SSH1: variants seen among roughly 807,000 people sequenced by gnomAD.
SSH1 encodes the protein protein phosphatase Slingshot homolog 1.
In SSH1, 43 loss-of-function variants were observed where a neutral mutation model predicts 79.7. That is an observed-to-expected ratio of 0.54 (90% CI 0.42 to 0.70). The LOEUF (loss-of-function observed/expected upper bound fraction) is 0.70. SSH1 is among the 30% of genes least tolerant of loss of function. SSH1 has a pLI of 0.00. For synonymous variants in SSH1, 599 were observed against 538.3 expected (o/e 1.11, Z -1.56); for missense variants, 1,206 against 1,358.8 (o/e 0.89, Z 1.77).
intron 10 of SSH1, among the ~76,000 whole-genome samples, chr12:108,803,082 A>C (rs895927896): frequency 1.3e-5 from 2 of 152,308 alleles, no homozygotes; most frequent in East Asian, 3.9e-4. Context: ...AGGATACAGG[A>C]CTATATAAAC....
chr12:108,831,658 G>C (rs2038477486), intron 2 of SSH1, among the ~76,000 whole-genome samples: 1 of 152,192 alleles, frequency 6.6e-6, no homozygotes, highest in African/African-American at 2.4e-5. Context: ...GCGAGGCCCT[G>C]AAGGATCAGT....
chr12:108,818,357 T>G (rs750943861), intron 3 of SSH1, 44 bp from the exon 4 acceptor site: 3 of 1,578,014 alleles, frequency 1.9e-6, no homozygotes, highest in Non-Finnish European at 2.6e-6. Context: ...TCTTACCTAC[T>G]CTCTAGGAAA....
intron 1 of SSH1, among the ~76,000 whole-genome samples, chr12:108,854,429 TCACA>T (rs1460336014): frequency 6.6e-6 from 1 of 152,194 alleles, no homozygotes. Flanking sequence ...CTCTGCCTGT[TCACA>T]CAAAGGAACT....
In SSH1 at chr12:108,799,006, T is replaced by C. The variant is rs2036870100; in HGVS notation, c.1343A>G (p.Asp448Gly). ...RQLSEYEGILDASKQRHNKLW... is the reference protein window; with the variant it reads ...RQLSEYEGILGASKQRHNKLW... ...TCTCCAGGCAGGCACCCACCTTGCATCCAAGATGCCTTCATACTCAGACAG... is the reference window on the plus strand; with the variant it reads ...TCTCCAGGCAGGCACCCACCTTGCACCCAAGATGCCTTCATACTCAGACAG... The change falls in exon 13 of 15, where the codon GAT (aspartate) becomes GGT (glycine). Residue 448 changes from aspartate to glycine, a missense_variant. Physicochemically the swap from Asp to Gly is moderately conservative, Grantham distance 94 (BLOSUM62 -1). Around this residue, in one of 5 missense-constraint regions of SSH1, gnomAD observed 166 missense variants for 262.9 expected, o/e 0.63. Coordinates refer to ENST00000326495, the MANE Select transcript of SSH1 (RefSeq NM_018984.4). The C allele has an allele frequency of 7.4e-6, 12 of 1,613,016 alleles. No homozygotes were observed. Among genetic ancestry groups the C allele is most frequent in the Non-Finnish European group, 1.0e-5 (12 of 1,180,034 alleles).
chr12:108,788,066 G>T lies in SSH1; in HGVS notation c.3072C>A (p.Asp1024Glu), dbSNP rs2036337259. The change falls in exon 15 of 15, where the codon GAC becomes GAA. Residue 1024 changes from aspartate (D) to glutamate (E), a missense_variant. This residue lies in a region of SSH1 where 709 missense variants were observed against 730.6 expected (regional missense o/e 0.97). Coordinates refer to ENST00000326495, the MANE Select transcript of SSH1 (RefSeq NM_018984.4). ...CTGATGGTTTGGAGGTTGCAGCTGG[G>T]TCCCTCGGGGTTCCCTGGGGCTCAT... ...FLHEPQGTPR[D>E]PAATSKPSGK... 1 of 1,613,978 alleles carries T rather than the reference G, an allele frequency of 6.2e-7. No homozygotes were observed. The highest frequency in any genetic ancestry group is 8.5e-7 in the Non-Finnish European group (1 of 1,180,024).
intron 2 of SSH1, among the ~76,000 whole-genome samples, chr12:108,836,067 T>C (rs760047673): frequency 2.0e-5 from 3 of 147,294 alleles, no homozygotes; most frequent in Non-Finnish European, 3.0e-5. Context: ...TTAACAAATA[T>C]ATACTATATA....
intron 13 of SSH1, among the ~76,000 whole-genome samples, chr12:108,796,760 T>C (rs935014983): frequency 1.3e-5 from 2 of 151,934 alleles, no homozygotes; most frequent in Non-Finnish European, 2.9e-5. Flanking sequence ...TTTTTTTTTT[T>C]AGACGAAGTT....
chr12:108,788,024 T>G lies in SSH1; in HGVS notation c.3114A>C (p.Glu1038Asp). Residue 1038 changes from glutamate (E) to aspartate (D), a missense_variant, in exon 15 of 15, where the codon GAA becomes GAC. By Grantham distance (45) the Glu-to-Asp change is conservative. Coordinates refer to ENST00000326495, the MANE Select transcript of SSH1 (RefSeq NM_018984.4). ...TSKPSGKPAP[E>D]NLKSPSWMSK... ...TCATCCACGAAGGGCTCTTTAAGTT[T>G]TCTGGGGCGGGTTTCCCTGATGGTT... The G allele has an allele frequency of 1.2e-6, 2 of 1,614,008 alleles. No individual in the cohort carries two copies. The highest frequency in any genetic ancestry group is 1.7e-6 in the Non-Finnish European group (2 of 1,179,986).
In SSH1 at chr12:108,788,454, A is replaced by G; in HGVS notation, c.2684T>C (p.Leu895Pro). 6.4e-7 allele frequency: 1 copy of G among 1,566,850 alleles called. No individual in the cohort carries two copies. Among genetic ancestry groups the G allele is most frequent in the Non-Finnish European group, 8.6e-7 (1 of 1,158,732 alleles). ...AAPASLEGGS[L>P]KSPPPFFYRL... is the part of the protein sequence containing the mutation. The stretch of plus-strand genomic sequence containing the variant: ...GTAGAAGAAAGGAGGGGGGCTCTTC[A>G]GTGAGCCTCCTTCCAATGAAGCGGG... The change falls in exon 15 of 15, where the codon CTG becomes CCG. Residue 895 changes from leucine (L) to proline (P), a missense_variant. Physicochemically the swap from Leu to Pro is moderately conservative, Grantham distance 98. This residue lies in a region of SSH1 where 709 missense variants were observed against 730.6 expected (regional missense o/e 0.97). Coordinates refer to ENST00000326495, the MANE Select transcript of SSH1 (RefSeq NM_018984.4).
chr12:108,840,942 C>T (rs2038762043), intron 2 of SSH1, among the ~76,000 whole-genome samples: 1 of 152,170 alleles, frequency 6.6e-6, no homozygotes, highest in Non-Finnish European at 1.5e-5. Flanking sequence ...CTTGCTCTCA[C>T]CGTGGGAATA....
At chr12:108,804,980 T>C (rs1357253290) in intron 10 of SSH1, 76 bp downstream of exon 10, 24 of 1,571,178 alleles carry the variant, frequency 1.5e-5, no homozygotes, top group Non-Finnish European at 2.1e-5. Context: ...TCTCCCGGAC[T>C]TGCTACAAAC....
intron 12 of SSH1, 125 bp from the exon 13 acceptor site, chr12:108,799,325 T>C (rs188810495): frequency 1.8e-5 from 14 of 783,144 alleles, no homozygotes; most frequent in African/African-American, 1.7e-4. Context: ...CCTGTAGATA[T>C]CTTACTGCCG....
At chr12:108,838,464 G>A (rs1210265682) in intron 2 of SSH1, among the ~76,000 whole-genome samples, 7 of 152,182 alleles carry the variant, frequency 4.6e-5, no homozygotes, top group South Asian at 4.1e-4. Flanking sequence ...TTTCCTGCTC[G>A]GAGACCACAT....
intron 3 of SSH1, 60 bp downstream of exon 3, chr12:108,823,198 G>A: frequency 6.7e-7 from 1 of 1,483,478 alleles, no homozygotes; most frequent in Non-Finnish European, 9.2e-7. Context: ...AACAATGGAA[G>A]TTTCCTCTGC....
At chr12:108,855,518 C>G (rs1713048924) in intron 1 of SSH1, among the ~76,000 whole-genome samples, 1 of 152,094 alleles carries the variant, frequency 6.6e-6, no homozygotes, top group South Asian at 2.1e-4. Context: ...ATAATAAGAC[C>G]TTAAAATGCG....
At position 108,791,938 on chromosome 12, in the gene SSH1, A is replaced by G. The variant is rs953696148; in HGVS notation, c.1893+348T>C. The stretch of plus-strand genomic sequence containing the variant: ...AAAGGCTGAAGTTGGCTGATAAATT[A>G]TATGTTTTAATTTTACATACACAAA... On this transcript the variant is annotated intron_variant, in intron 14 of 14. Transcript: ENST00000326495. The G allele has an allele frequency of 1.1e-5, 15 of 1,306,632 alleles. 1 individual carries two copies. In the South Asian group the frequency reaches 2.1e-4, roughly 19 times the overall value. The allele number at this position is 1,306,632 out of a possible 1,614,324, so 80.9% of individuals were successfully genotyped here. A position where few individuals can be genotyped will look rare whatever the true frequency, so the allele number is the denominator to read the frequency against.
rs762344601 is a variant in SSH1, at chr12:108,788,446, G to A, written c.2692C>T (p.Pro898Ser). 34 of 1,572,210 alleles carry A rather than the reference G, an allele frequency of 2.2e-5. No individual in the cohort carries two copies. The highest frequency in any genetic ancestry group is 2.9e-5 in the Non-Finnish European group (34 of 1,161,186). The change falls in exon 15 of 15, where the codon CCC becomes TCC. Residue 898 changes from proline to serine, a missense_variant. Transcript: ENST00000326495. ...TCCAGGCGGTAGAAGAAAGGAGGGGGGCTCTTCAGTGAGCCTCCTTCCAAT... is the reference window on the plus strand; with the variant it reads ...TCCAGGCGGTAGAAGAAAGGAGGGGAGCTCTTCAGTGAGCCTCCTTCCAAT... The part of the protein sequence containing the change: ...ASLEGGSLKS[P>S]PPFFYRLDHT...
Position 108,833,830 on chromosome 12 carries a change from CA to C in SSH1, c.111-10470del, listed in dbSNP as rs1388516176. On this transcript the variant is annotated intron_variant, in intron 2 of 14. Coordinates refer to ENST00000326495, the MANE Select transcript of SSH1 (RefSeq NM_018984.4). ...ATTTAAATTTAAGTTTAATTAGCTA[CA>C]TGAGGCTATCAGCTGTGGTATAGGA... 6 of 152,346 alleles carry C rather than the reference CA, an allele frequency of 3.9e-5. No homozygotes were observed. In the East Asian group the frequency reaches 9.6e-4, roughly 24 times the overall value. The allele number at this position is 152,346 out of a possible 1,614,324, so 9.4% of individuals were successfully genotyped here.
In SSH1 at chr12:108,800,763, C is replaced by T; in HGVS notation, c.1148+17G>A. On this transcript the variant is annotated intron_variant, in intron 12 of 14. Coordinates refer to ENST00000326495, the MANE Select transcript of SSH1 (RefSeq NM_018984.4). ...CAGGTTGGTTTCATCCTCAGCCCCG[C>T]CTCTCTGTCCACTTACTTCGCTTTG... is the stretch of plus-strand genomic sequence containing the variant. 1 of 1,611,288 alleles carries T rather than the reference C, an allele frequency of 6.2e-7. No individual in the cohort carries two copies. Among genetic ancestry groups the T allele is most frequent in the Non-Finnish European group, 8.5e-7 (1 of 1,178,664 alleles).
Sources: gnomAD v4.1 joint callset for allele counts (sites outside exome capture counted in the v4.1 genomes callset) on GRCh38, gnomAD v4.1.1 for gene constraint, gnomAD v4.1.1 regional missense constraint, MANE v1.5 for transcripts, NCBI Gene and HGNC (gene_info 2026-07-23, HGNC 2026-07-21) for gene names.